The following FAM13C variants were observed in gnomAD, a reference collection of about 807,000 sequenced individuals.
The protein encoded by FAM13C is protein FAM13C.
A neutral mutation model predicts 73.2 loss-of-function variants in FAM13C; 37 were observed. The ratio of observed to expected loss-of-function variants is 0.51; its 90% CI spans 0.39 to 0.67. The LOEUF is 0.67. Among genes scored for constraint, FAM13C ranks in the 30% least tolerant of loss-of-function variants. The pLI is 0.00. For synonymous variants in FAM13C, 246 were observed against 260.9 expected, an observed-to-expected ratio of 0.94 and a Z score of 0.55; for missense variants, 589 against 715.6, an observed-to-expected ratio of 0.82 and a Z score of 2.02.
At chr10:59,267,673 T>C (rs1015734266) in intron 8 of FAM13C, among the ~76,000 whole-genome samples, 1 of 152,162 alleles carries the variant, frequency 6.6e-6, no homozygotes, top group South Asian at 2.1e-4. Flanking sequence ...CATTCTCACC[T>C]CCCTCCCCAG....
chr10:59,362,432 T>C lies in FAM13C; in HGVS notation c.29A>G (p.Gln10Arg). The C allele has an allele frequency of 6.2e-7, 1 of 1,614,006 alleles. No homozygotes were observed. Among genetic ancestry groups the C allele is most frequent in the South Asian group, 1.1e-5 (1 of 90,996 alleles). ...AGTGGTGCTGCTGAAGGAATTATCCTGAAGGCTGAAACAGAAACAAGAAAA... is the reference window on the plus strand; with the variant it reads ...AGTGGTGCTGCTGAAGGAATTATCCCGAAGGCTGAAACAGAAACAAGAAAA... MFSCFCFSLQDNSFSSTTVT... is the reference protein window; with the variant it reads MFSCFCFSLRDNSFSSTTVT... The change falls in exon 1 of 14, where the codon CAG becomes CGG. Residue 10 changes from glutamine to arginine, a missense_variant. Gln to Arg is a conservative substitution (Grantham distance 43). Coordinates refer to ENST00000618804, the MANE Select transcript of FAM13C (RefSeq NM_198215.4).
Position 59,270,017 on chromosome 10 carries a change from T to G in FAM13C, c.685A>C (p.Ile229Leu), listed in dbSNP as rs181798562. Reference protein sequence around the residue: ...SVGTSRLLYHITDGDNPLLSP... With the variant: ...SVGTSRLLYHLTDGDNPLLSP... Reference sequence around the variant, plus strand: ...AGCAGTGGGTTATCACCATCAGTGATGTGATAGAGCAGCCTGCTGGTCCCC... The same window carrying G: ...AGCAGTGGGTTATCACCATCAGTGAGGTGATAGAGCAGCCTGCTGGTCCCC... Residue 229 changes from isoleucine (I) to leucine (L), a missense_variant, in exon 7 of 14, where the codon ATC (isoleucine) becomes CTC (leucine). Physicochemically the swap from Ile to Leu is conservative, Grantham distance 5 (BLOSUM62 2). Transcript: ENST00000618804. 28 of 1,613,958 alleles carry G rather than the reference T, an allele frequency of 1.7e-5. No homozygotes were observed. Among genetic ancestry groups the G allele is most frequent in the Non-Finnish European group, 6.8e-6 (8 of 1,179,896 alleles).
rs981283207 is a variant in FAM13C at position 59,255,883 on chromosome 10, G to A, written c.1237-1440C>T. Among the ~76,000 whole-genome samples, 4 of 152,106 alleles carry A rather than the reference G, an allele frequency of 2.6e-5. No homozygotes were observed. The South Asian group carries it at 6.2e-4, about 24-fold the overall frequency. The stretch of plus-strand genomic sequence containing the variant: ...TGCCCAAATAAAGGATTCTTGAGGA[G>A]AGAGATCATATCACATACTTCTTTA... On this transcript the variant is annotated intron_variant, in intron 10 of 13. Coordinates refer to ENST00000618804, the MANE Select transcript of FAM13C (RefSeq NM_198215.4).
intron 3 of FAM13C, among the ~76,000 whole-genome samples, chr10:59,325,466 T>A (rs1850967762): frequency 6.6e-6 from 1 of 152,198 alleles, no homozygotes; most frequent in African/African-American, 2.4e-5. Flanking sequence ...CAGCTTCAGA[T>A]AAGAAGACAC....
intron 6 of FAM13C, among the ~76,000 whole-genome samples, chr10:59,272,226 A>G (rs1239248824): frequency 1.3e-5 from 2 of 152,196 alleles, no homozygotes; most frequent in African/African-American, 4.8e-5. Flanking sequence ...CTTGCCTCCA[A>G]TTCACTATTG....
intron 6 of FAM13C, among the ~76,000 whole-genome samples, chr10:59,278,300 C>G (rs1417961245): frequency 6.6e-6 from 1 of 152,178 alleles, no homozygotes; most frequent in Non-Finnish European, 1.5e-5. Flanking sequence ...ATTTCCTCAT[C>G]TTTCATCTGG....
At chr10:59,253,649 T>C (rs1841629223) in intron 11 of FAM13C, 2 of 152,302 alleles carry the variant, frequency 1.3e-5, no homozygotes, top group African/African-American at 4.8e-5. Context: ...ATTCACTTAA[T>C]GTCTTTAAAA....
chr10:59,293,231 GC>G (rs1846494166), intron 5 of FAM13C, among the ~76,000 whole-genome samples: 1 of 142,766 alleles, frequency 7.0e-6, no homozygotes, highest in South Asian at 2.4e-4. Context: ...CCACCACCAT[GC>G]CCAGCTAATT....
Position 59,252,999 on chromosome 10 carries a change from C to T in FAM13C, c.1333-1G>A. ...CTTCATCAGAGTCCTCTTCCTCCTG[C>T]TTATCACAGGCAGAGTTAAAGAAAG... On this transcript the variant is annotated splice_acceptor_variant, in intron 11 of 13. Transcript: ENST00000618804. LOFTEE classifies it high-confidence loss of function. 3 of 1,613,202 alleles carry T rather than the reference C, an allele frequency of 1.9e-6. No individual in the cohort carries two copies. Among genetic ancestry groups the T allele is most frequent in the Non-Finnish European group, 2.5e-6 (3 of 1,179,842 alleles).
At chr10:59,302,546 G>A (rs1847724060) in intron 5 of FAM13C, among the ~76,000 whole-genome samples, 3 of 152,186 alleles carry the variant, frequency 2.0e-5, no homozygotes, top group Admixed American at 2.0e-4. Context: ...GCTGAAAAGA[G>A]TGTAACAAAA....
At position 59,287,010 on chromosome 10, in the gene FAM13C, G is replaced by A. The variant is rs182106613; in HGVS notation, c.508-3563C>T. On this transcript the variant is annotated intron_variant, in intron 5 of 13. Coordinates refer to ENST00000618804, the MANE Select transcript of FAM13C (RefSeq NM_198215.4). ...GATCGCACCATTGCACTCCAGCCTGGGCAATAGAGCGAGACTCCATCTCAA... is the reference window on the plus strand; with the variant it reads ...GATCGCACCATTGCACTCCAGCCTGAGCAATAGAGCGAGACTCCATCTCAA... Among the ~76,000 whole-genome samples the A allele has an allele frequency of 9.1e-3, 1,319 of 144,320 alleles. 22 individuals are homozygous for A. Among genetic ancestry groups the A allele is most frequent in the African/African-American group, 0.032 (1,229 of 38,276 alleles). The allele number at this position is 144,320 out of a possible 152,430, so 94.7% of individuals were successfully genotyped here.
intron 7 of FAM13C, 125 bp downstream of exon 7, chr10:59,269,774 T>G (rs968172444): frequency 6.2e-5 from 70 of 1,131,852 alleles, no homozygotes; most frequent in Middle Eastern, 2.5e-4. Flanking sequence ...CATTTATTGT[T>G]CCAGTCTCGC....
intron 4 of FAM13C, among the ~76,000 whole-genome samples, chr10:59,320,078 G>T (rs1564577435): frequency 6.6e-6 from 1 of 152,104 alleles, no homozygotes. Context: ...TAGAAGCTTG[G>T]CAAAGAGCAT....
At chr10:59,294,000 CT>C (rs1488863022) in intron 5 of FAM13C, among the ~76,000 whole-genome samples, 1 of 152,198 alleles carries the variant, frequency 6.6e-6, no homozygotes, top group Non-Finnish European at 1.5e-5. Flanking sequence ...AAGCTGTCAA[CT>C]TTGTATTTCA....
chr10:59,351,649 C>G (rs1855053643), intron 3 of FAM13C, among the ~76,000 whole-genome samples: 1 of 152,122 alleles, frequency 6.6e-6, no homozygotes, highest in African/African-American at 2.4e-5. Context: ...TGAATGACAA[C>G]AGAGAGATCC....
intron 4 of FAM13C, among the ~76,000 whole-genome samples, chr10:59,313,732 T>G (rs560955565): frequency 3.9e-5 from 6 of 152,008 alleles, no homozygotes; most frequent in Non-Finnish European, 7.4e-5. Flanking sequence ...CTGGGCTCTG[T>G]GCAGGATGGA....
At chr10:59,289,824 C>T (rs1170519040) in intron 5 of FAM13C, among the ~76,000 whole-genome samples, 1 of 152,054 alleles carries the variant, frequency 6.6e-6, no homozygotes, top group African/African-American at 2.4e-5. Flanking sequence ...CCCTACAGTC[C>T]TAGTGCCACC....
At chr10:59,317,745 T>A (rs1277017663) in intron 4 of FAM13C, among the ~76,000 whole-genome samples, 1 of 152,086 alleles carries the variant, frequency 6.6e-6, no homozygotes, top group Non-Finnish European at 1.5e-5. Flanking sequence ...TCTTTTTTTT[T>A]CTTTTATTAT....
chr10:59,361,772 G>A (rs957413343), intron 1 of FAM13C, among the ~76,000 whole-genome samples: 22 of 152,156 alleles, frequency 1.4e-4, no homozygotes, highest in African/African-American at 5.1e-4. Context: ...TTGCTGGTAC[G>A]CTCCTTCATT....
Sources: gnomAD v4.1 joint callset for allele counts (sites outside exome capture counted in the v4.1 genomes callset) on GRCh38, gnomAD v4.1.1 for gene constraint, MANE v1.5 for transcripts, NCBI Gene and HGNC (gene_info 2026-07-23, HGNC 2026-07-21) for gene names.